MYT1L: variants seen among roughly 807,000 people sequenced by gnomAD.
MYT1L encodes the protein myelin transcription factor 1-like protein.
In MYT1L, 12 loss-of-function variants were observed where a neutral mutation model predicts 126.7. That is an observed-to-expected ratio of 0.09 (90% CI 0.06 to 0.15). The LOEUF is 0.15. Ranked by LOEUF, MYT1L falls within the 10% of genes least tolerant of loss-of-function variation. The pLI, the probability that MYT1L is intolerant of heterozygous loss-of-function variation, is 1.00. For missense variants in MYT1L, 979 were observed against 1,585.2 expected (o/e 0.62, Z 6.49); for synonymous variants, 541 against 604.2 (o/e 0.90, Z 1.53).
At chr2:1,824,746 G>C (rs533357827) in intron 21 of MYT1L, 2 of 151,570 alleles carry the variant, frequency 1.3e-5, no homozygotes, top group East Asian at 1.9e-4. Context: ...AGGAGAGAGA[G>C]GGGGAGGACT....
At position 2,265,801 on chromosome 2, in the gene MYT1L, C is replaced by T. The variant is rs147580804; in HGVS notation, c.-421+18603G>A. 2.6e-3 allele frequency among the ~76,000 whole-genome samples: 393 copies of T among 152,204 alleles called. 1 individual carries two copies. The highest frequency in any genetic ancestry group is 9.2e-3 in the African/African-American group (380 of 41,522). ...ACATAGCAAGTAATGGAGACATTTACGTTTGACAATGACAATGATGGAAAA... is the reference window on the plus strand; with the variant it reads ...ACATAGCAAGTAATGGAGACATTTATGTTTGACAATGACAATGATGGAAAA... On this transcript the variant is annotated intron_variant, in intron 2 of 24. Coordinates refer to ENST00000647738, the MANE Select transcript of MYT1L (RefSeq NM_001303052.2).
chr2:1,833,429 C>G (rs1173230107), intron 21 of MYT1L, among the ~76,000 whole-genome samples: 4 of 152,114 alleles, frequency 2.6e-5, no homozygotes, highest in African/African-American at 9.7e-5. Context: ...CTGTGTTCAC[C>G]GGGACTGAGG....
intron 13 of MYT1L, among the ~76,000 whole-genome samples, chr2:1,904,426 T>C (rs1174591711): frequency 1.3e-5 from 2 of 152,156 alleles, no homozygotes; most frequent in African/African-American, 4.8e-5. Context: ...TGGAGTGCAG[T>C]GGCATGATCT....
At chr2:1,796,431 A>C (rs1350097486) in intron 23 of MYT1L, among the ~76,000 whole-genome samples, 1 of 152,150 alleles carries the variant, frequency 6.6e-6, no homozygotes, top group Non-Finnish European at 1.5e-5. Flanking sequence ...GATCACAGAG[A>C]GGCTTAGCCC....
chr2:2,299,889 T>A (rs960949931), intron 1 of MYT1L, among the ~76,000 whole-genome samples: 1 of 152,210 alleles, frequency 6.6e-6, no homozygotes, highest in Non-Finnish European at 1.5e-5. Context: ...TAGATCATCT[T>A]CCGGCAGCCT....
intron 2 of MYT1L, among the ~76,000 whole-genome samples, chr2:2,253,981 A>G (rs1294604627): frequency 1.3e-5 from 2 of 152,212 alleles, no homozygotes; most frequent in African/African-American, 4.8e-5. Flanking sequence ...ATATACATAA[A>G]GACACACATA....
At chr2:2,179,062 G>A (rs763196299) in intron 2 of MYT1L, among the ~76,000 whole-genome samples, 3 of 152,146 alleles carry the variant, frequency 2.0e-5, no homozygotes, top group Non-Finnish European at 4.4e-5. Flanking sequence ...GGCAATACCT[G>A]CTCTGGGAGC....
Position 1,887,743 on chromosome 2 carries a change from C to T in MYT1L, c.2521-134G>A, listed in dbSNP as rs907691046. 4.9e-6 allele frequency: 5 copies of T among 1,015,492 alleles called. No homozygotes were observed. In the African/African-American group the frequency reaches 8.1e-5, roughly 16 times the overall value. The allele number at this position is 1,015,492 out of a possible 1,614,324, so 62.9% of individuals were successfully genotyped here. On this transcript the variant is annotated intron_variant, in intron 16 of 24. Coordinates refer to ENST00000647738, the MANE Select transcript of MYT1L (RefSeq NM_001303052.2). The surrounding 1 kb of genome is among the most constrained non-coding windows in gnomAD (Gnocchi z 4.8). ...GCTGTACCTTTAAGATCCTTTTGGTCCTGATAACGCCCCTACTGAAAATGC... is the reference window on the plus strand; with the variant it reads ...GCTGTACCTTTAAGATCCTTTTGGTTCTGATAACGCCCCTACTGAAAATGC...
At chr2:2,093,060 A>T (rs1296408607) in intron 3 of MYT1L, among the ~76,000 whole-genome samples, 1 of 152,226 alleles carries the variant, frequency 6.6e-6, no homozygotes. Flanking sequence ...AAAATCTGTA[A>T]ATACAGAGGA....
chr2:2,151,085 A>G lies in MYT1L; in HGVS notation c.-304+21787T>C, dbSNP rs569703196. On this transcript the variant is annotated intron_variant, in intron 3 of 24. Transcript: ENST00000647738. ...CTCTTGAAGTAAGTAAAATGACAGT[A>G]AAAACTTTGAGTCTGTGCCAAGAAA... Among the ~76,000 whole-genome samples the G allele has an allele frequency of 1.7e-4, 26 of 152,346 alleles. No homozygotes were observed. The South Asian group carries it at 5.4e-3, about 32-fold the overall frequency.
At chr2:2,249,237 A>G (rs1198069179) in intron 2 of MYT1L, among the ~76,000 whole-genome samples, 3 of 152,018 alleles carry the variant, frequency 2.0e-5, no homozygotes, top group Non-Finnish European at 2.9e-5. Context: ...AAACAATCCA[A>G]AAAAGAAAAA....
intron 12 of MYT1L, 47 bp downstream of exon 12, chr2:1,911,973 G>C: frequency 1.4e-6 from 2 of 1,436,614 alleles, no homozygotes; most frequent in Non-Finnish European, 1.9e-6. Flanking sequence ...AAGGCATGGA[G>C]AGCAGCCGGT....
At position 2,277,042 on chromosome 2, in the gene MYT1L, C is replaced by T. The variant is rs544289713; in HGVS notation, c.-421+7362G>A. ...TGTTGGCCAGGCTGGAGTGCAGTGG[C>T]GCAATCTTAGCTCACTGCAACCTCC... On this transcript the variant is annotated intron_variant, in intron 2 of 24. Transcript: ENST00000647738. 3.9e-5 allele frequency among the ~76,000 whole-genome samples: 6 copies of T among 151,956 alleles called. No homozygotes were observed. The East Asian group carries it at 7.8e-4, about 20-fold the overall frequency.
intron 1 of MYT1L, among the ~76,000 whole-genome samples, chr2:2,307,883 T>G (rs2095880765): frequency 6.7e-6 from 1 of 149,086 alleles, no homozygotes. Context: ...ATACTCTATC[T>G]ATACTCCACC....
chr2:1,928,348 C>G (rs1231302784), intron 9 of MYT1L, among the ~76,000 whole-genome samples: 1 of 152,226 alleles, frequency 6.6e-6, no homozygotes, highest in Non-Finnish European at 1.5e-5. Flanking sequence ...CTATGAGAGG[C>G]ACTGGGGCAC....
intron 4 of MYT1L, among the ~76,000 whole-genome samples, chr2:2,039,846 G>T (rs574508224): frequency 6.6e-6 from 1 of 152,140 alleles, no homozygotes; most frequent in Non-Finnish European, 1.5e-5. Flanking sequence ...CTTCCACGTG[G>T]AATGGCTGCA....
chr2:2,125,804 T>C (rs1035412672), intron 3 of MYT1L, among the ~76,000 whole-genome samples: 15 of 152,170 alleles, frequency 9.9e-5, no homozygotes, highest in Non-Finnish European at 4.4e-5. Context: ...ATTAATATCA[T>C]CAACCTAAAT....
chr2:2,327,404 C>T (rs994222485), intron 1 of MYT1L, among the ~76,000 whole-genome samples: 1 of 152,106 alleles, frequency 6.6e-6, no homozygotes, highest in Non-Finnish European at 1.5e-5. Flanking sequence ...ATGTTATTTG[C>T]AAGTTTTTGT....
At chr2:2,077,486 G>C (rs1039207801) in intron 3 of MYT1L, among the ~76,000 whole-genome samples, 10 of 152,210 alleles carry the variant, frequency 6.6e-5, no homozygotes, top group Admixed American at 6.5e-5. Context: ...CAAACAAACA[G>C]ACATGATTCA....
Sources: allele counts gnomAD v4.1 joint callset (sites outside exome capture counted in the v4.1 genomes callset), GRCh38; gene constraint gnomAD v4.1.1; non-coding constraint Gnocchi (gnomAD v3.1); transcripts MANE v1.5; gene names NCBI Gene and HGNC (gene_info 2026-07-23, HGNC 2026-07-21).